Variants in SNTG2 observed in about 807,000 individuals in gnomAD.
SNTG2 encodes the protein syntrophin gamma 2, also known as gamma-2-syntrophin.
In SNTG2, 74 loss-of-function variants were observed where a neutral mutation model predicts 70.9. The observed-to-expected ratio is 1.04, with a 90% CI of 0.86 to 1.27. The LOEUF is 1.27. SNTG2 is among the 50% of genes most tolerant of loss of function. SNTG2 has a pLI of 0.00. For synonymous variants in SNTG2, 278 were observed against 273.8 expected (o/e 1.02, Z -0.15); for missense variants, 717 against 690.7 (o/e 1.04, Z -0.43).
At chr2:955,202 C>T (rs115656201) in intron 1 of SNTG2, among the ~76,000 whole-genome samples, 4 of 152,276 alleles carry the variant, frequency 2.6e-5, no homozygotes, top group South Asian at 2.1e-4. Flanking sequence ...TAGATCAGTG[C>T]ATGGCCTGTT....
At chr2:956,963 A>G (rs193151301) in intron 1 of SNTG2, among the ~76,000 whole-genome samples, 264 of 152,332 alleles carry the variant, frequency 1.7e-3, no homozygotes, top group African/African-American at 5.8e-3. Context: ...ATATAATTCT[A>G]TTTCTCAGCT....
chr2:1,275,970 C>T (rs1679250312), intron 14 of SNTG2, among the ~76,000 whole-genome samples: 1 of 152,202 alleles, frequency 6.6e-6, no homozygotes, highest in Non-Finnish European at 1.5e-5. Context: ...AGCCACAATA[C>T]TCCTTTAAGC....
chr2:1,176,599 T>G (rs1479353600), intron 8 of SNTG2, among the ~76,000 whole-genome samples: 2 of 151,998 alleles, frequency 1.3e-5, no homozygotes, highest in Non-Finnish European at 2.9e-5. Flanking sequence ...TCTATCTGTC[T>G]GACAAAGGTC....
At chr2:1,297,729 A>T (rs1257211000) in intron 14 of SNTG2, among the ~76,000 whole-genome samples, 1 of 152,224 alleles carries the variant, frequency 6.6e-6, no homozygotes, top group Non-Finnish European at 1.5e-5. Context: ...AGCTCTCAGG[A>T]TAAGAGCAGA....
chr2:1,244,267 T>C (rs961188947), intron 11 of SNTG2, among the ~76,000 whole-genome samples: 1 of 152,184 alleles, frequency 6.6e-6, no homozygotes, highest in African/African-American at 2.4e-5. Flanking sequence ...TCGTTTTTTG[T>C]TTCGTTCTTT....
At chr2:1,266,241 A>G (rs1678723863) in intron 13 of SNTG2, among the ~76,000 whole-genome samples, 1 of 152,120 alleles carries the variant, frequency 6.6e-6, no homozygotes, top group African/African-American at 2.4e-5. Context: ...CGCGTTCACC[A>G]TGCACCTCCA....
intron 14 of SNTG2, among the ~76,000 whole-genome samples, chr2:1,298,445 T>C (rs1680314720): frequency 6.6e-6 from 1 of 152,194 alleles, no homozygotes; most frequent in South Asian, 2.1e-4. Context: ...ATACATTTAA[T>C]TTAAAATAAT....
chr2:1,143,260 G>C (rs913210994), intron 6 of SNTG2, among the ~76,000 whole-genome samples: 2 of 152,130 alleles, frequency 1.3e-5, no homozygotes, highest in African/African-American at 2.4e-5. Context: ...TGAGTTTTCA[G>C]AAGTCTTAAC....
At chr2:1,323,229 T>C (rs1374677312) in intron 16 of SNTG2, among the ~76,000 whole-genome samples, 4 of 152,230 alleles carry the variant, frequency 2.6e-5, no homozygotes, top group Admixed American at 2.0e-4. Context: ...GGAAAACACT[T>C]GGATTTCCAA....
Position 1,222,268 on chromosome 2 carries a change from C to T in SNTG2, c.719+13038C>T, listed in dbSNP as rs935610208. Among the ~76,000 whole-genome samples, 33 of 152,298 alleles carry T rather than the reference C, an allele frequency of 2.2e-4. No homozygotes were observed. The East Asian group carries it at 6.2e-3, about 28-fold the overall frequency. ...TCATTTTGACTGTAAGGGATTAGCG[C>T]CCTGTCTATGAAAAGATGCTGCAAA... is the stretch of plus-strand genomic sequence containing the variant. On this transcript the variant is annotated intron_variant, in intron 9 of 16. Coordinates refer to ENST00000308624, the MANE Select transcript of SNTG2 (RefSeq NM_018968.4).
intron 2 of SNTG2, among the ~76,000 whole-genome samples, chr2:1,089,338 C>T (rs776491206): frequency 1.3e-5 from 2 of 152,010 alleles, no homozygotes; most frequent in Admixed American, 6.6e-5. Context: ...ACAGTTTGGC[C>T]GTATTCATTA....
At position 1,083,536 on chromosome 2, in the gene SNTG2, C is replaced by CTGT; in HGVS notation, c.95_97dup (p.Leu32dup). The CTGT allele has an allele frequency of 6.2e-7, 1 of 1,613,672 alleles. No individual in the cohort carries two copies. Among genetic ancestry groups the CTGT allele is most frequent in the East Asian group, 2.2e-5 (1 of 44,876 alleles). ...CCTACAGACGAAAACCACTATTGCT[C>CTGT]TGTTGTATGATGAAGAGTCCGAAAA... is the stretch of plus-strand genomic sequence containing the variant. On this transcript the variant is annotated inframe_insertion, in exon 2 of 17. Transcript: ENST00000308624.
intron 1 of SNTG2, among the ~76,000 whole-genome samples, chr2:1,023,213 T>C (rs536014497): frequency 1.3e-5 from 2 of 152,102 alleles, no homozygotes; most frequent in Non-Finnish European, 2.9e-5. Context: ...ATGTTATTTA[T>C]CCTGTTTGAA....
intron 1 of SNTG2, among the ~76,000 whole-genome samples, chr2:1,063,790 A>G (rs934542153): frequency 6.6e-6 from 1 of 152,186 alleles, no homozygotes; most frequent in Admixed American, 6.5e-5. Context: ...GCATTAAATA[A>G]AGAAAAAACT....
At chr2:1,128,240 A>G (rs1195674539) in intron 4 of SNTG2, among the ~76,000 whole-genome samples, 1 of 152,144 alleles carries the variant, frequency 6.6e-6, no homozygotes, top group Non-Finnish European at 1.5e-5. Context: ...AATGCAATTT[A>G]TTCATTTTCG....
chr2:1,006,411 A>AAAAG (rs78427237), intron 1 of SNTG2, among the ~76,000 whole-genome samples: 1 of 151,316 alleles, frequency 6.6e-6, no homozygotes. Flanking sequence ...TCAAAAAAAA[A>AAAAG]AGAAAATTCT....
At chr2:1,043,179 G>A (rs1661537186) in intron 1 of SNTG2, among the ~76,000 whole-genome samples, 1 of 152,142 alleles carries the variant, frequency 6.6e-6, no homozygotes, top group Admixed American at 6.5e-5. Context: ...TTTTTGAGAA[G>A]TGCCTGTTCA....
chr2:1,271,238 G>T (rs1323635464), intron 14 of SNTG2, among the ~76,000 whole-genome samples: 1 of 152,030 alleles, frequency 6.6e-6, no homozygotes, highest in Non-Finnish European at 1.5e-5. Context: ...CCCAAGCTGA[G>T]GTACAAATGC....
intron 1 of SNTG2, among the ~76,000 whole-genome samples, chr2:1,009,119 G>A (rs934650510): frequency 6.6e-6 from 1 of 152,194 alleles, no homozygotes; most frequent in South Asian, 2.1e-4. Context: ...AGGCAGTCAC[G>A]TCTGGTCCTG....
Sources: gnomAD v4.1 joint callset for allele counts (sites outside exome capture counted in the v4.1 genomes callset) on GRCh38, gnomAD v4.1.1 for gene constraint, MANE v1.5 for transcripts, NCBI Gene and HGNC (gene_info 2026-07-23, HGNC 2026-07-21) for gene names.